LDB2: variants seen among roughly 807,000 people sequenced by gnomAD.
The protein encoded by LDB2 is LIM domain-binding protein 2.
LDB2 carries 12 observed loss-of-function variants against 44.3 expected under a neutral mutation model. That is an observed-to-expected ratio of 0.27 (90% CI 0.17 to 0.44). The LOEUF is 0.44. LDB2 is among the 20% of genes least tolerant of loss of function. The pLI is 1.00. For missense variants in LDB2, 344 were observed against 473.5 expected (o/e 0.73, Z 2.54); for synonymous variants, 164 against 174.8 (o/e 0.94, Z 0.49).
At chr4:16,658,070 T>C (rs1176645767) in intron 2 of LDB2, among the ~76,000 whole-genome samples, 2 of 152,192 alleles carry the variant, frequency 1.3e-5, no homozygotes, top group African/African-American at 4.8e-5. Context: ...AACTTGATGA[T>C]GTTGTAAGCA....
chr4:16,602,175 T>C (rs1252125388), intron 2 of LDB2, among the ~76,000 whole-genome samples: 1 of 152,190 alleles, frequency 6.6e-6, no homozygotes, highest in Non-Finnish European at 1.5e-5. Flanking sequence ...ACAGGCCAGA[T>C]ATTGTTCTAG....
At chr4:16,614,580 C>CAAAAAAAAAAAAAAAAAA (rs1164613202) in intron 2 of LDB2, among the ~76,000 whole-genome samples, 10 of 53,658 alleles carry the variant, frequency 1.9e-4, no homozygotes, top group African/African-American at 2.6e-4. Flanking sequence ...CAAGAAAAAA[C>CAAAAAAAAAAAAAAAAAA]AAAAAAAAAA....
At chr4:16,790,693 G>A (rs1775524916) in intron 1 of LDB2, among the ~76,000 whole-genome samples, 1 of 152,208 alleles carries the variant, frequency 6.6e-6, no homozygotes, top group Non-Finnish European at 1.5e-5. Context: ...TAACCGGGAT[G>A]AAAGTGTCAG....
At chr4:16,799,681 G>A (rs1347683477) in intron 1 of LDB2, among the ~76,000 whole-genome samples, 3 of 152,176 alleles carry the variant, frequency 2.0e-5, no homozygotes, top group African/African-American at 7.2e-5. Flanking sequence ...GGGTTCCTGA[G>A]TCTTCTCGAA....
intron 1 of LDB2, among the ~76,000 whole-genome samples, chr4:16,767,456 C>T (rs1212881447): frequency 2.0e-5 from 3 of 152,188 alleles, no homozygotes; most frequent in African/African-American, 7.2e-5. Context: ...AATGCCCGAA[C>T]TCATGTGTAG....
At chr4:16,647,371 A>C (rs999498735) in intron 2 of LDB2, among the ~76,000 whole-genome samples, 1 of 152,218 alleles carries the variant, frequency 6.6e-6, no homozygotes, top group Non-Finnish European at 1.5e-5. Context: ...TGTACAGCTC[A>C]ATGAATATAG....
chr4:16,734,911 G>A (rs1309978677), intron 2 of LDB2, among the ~76,000 whole-genome samples: 4 of 151,884 alleles, frequency 2.6e-5, no homozygotes, highest in African/African-American at 9.7e-5. Flanking sequence ...GTTTCACTAT[G>A]TTGGCCAGGC....
At chr4:16,598,139 G>A (rs896342643) in intron 2 of LDB2, among the ~76,000 whole-genome samples, 16 of 152,170 alleles carry the variant, frequency 1.1e-4, no homozygotes, top group African/African-American at 1.9e-4. Context: ...CCTTGTGTAC[G>A]TAGTCCCCTC....
At chr4:16,742,952 A>G (rs1394267518) in intron 2 of LDB2, among the ~76,000 whole-genome samples, 1 of 151,924 alleles carries the variant, frequency 6.6e-6, no homozygotes, top group Non-Finnish European at 1.5e-5. Context: ...GCAGGAAATG[A>G]CTTCTGTTTT....
intron 2 of LDB2, among the ~76,000 whole-genome samples, chr4:16,749,581 TAAAA>T (rs1277925447): frequency 6.5e-5 from 8 of 123,706 alleles, no homozygotes; most frequent in South Asian, 2.7e-4. Context: ...AATAAAAAAA[TAAAA>T]AAAAATATAT....
intron 1 of LDB2, among the ~76,000 whole-genome samples, chr4:16,768,014 G>A (rs1769742937): frequency 6.6e-6 from 1 of 152,002 alleles, no homozygotes; most frequent in Admixed American, 6.6e-5. Flanking sequence ...CCGGTGCCAG[G>A]GCTGCCCCTC....
intron 2 of LDB2, among the ~76,000 whole-genome samples, chr4:16,612,071 C>T (rs1560629206): frequency 6.6e-6 from 1 of 152,126 alleles, no homozygotes; most frequent in Non-Finnish European, 1.5e-5. Context: ...CAGTAAAAAC[C>T]ACACAATTTC....
chr4:16,799,418 C>T (rs158278), intron 1 of LDB2, among the ~76,000 whole-genome samples: 116,719 of 152,096 alleles, frequency 0.77, 47,309 homozygotes, highest in South Asian at 0.92. Flanking sequence ...GGATATAAGC[C>T]CCATGCCCAG....
chr4:16,667,415 T>C (rs557469625), intron 2 of LDB2, among the ~76,000 whole-genome samples: 33 of 152,238 alleles, frequency 2.2e-4, no homozygotes, highest in Non-Finnish European at 1.5e-5. Context: ...TCATTTTCAT[T>C]TTAGGGCTGA....
At chr4:16,722,459 C>G (rs1462685021) in intron 2 of LDB2, among the ~76,000 whole-genome samples, 1 of 152,038 alleles carries the variant, frequency 6.6e-6, no homozygotes, top group Non-Finnish European at 1.5e-5. Flanking sequence ...TTCTGTGATT[C>G]TACAATATAG....
intron 2 of LDB2, among the ~76,000 whole-genome samples, chr4:16,712,551 C>CA (rs200978778): frequency 0.024 from 3,638 of 150,124 alleles, 155 homozygotes; most frequent in African/African-American, 0.084. Flanking sequence ...GACTCTGTCT[C>CA]AAAAAAAACA....
At chr4:16,756,787 G>A (rs1766753581) in intron 2 of LDB2, among the ~76,000 whole-genome samples, 2 of 151,906 alleles carry the variant, frequency 1.3e-5, no homozygotes, top group African/African-American at 2.4e-5. Flanking sequence ...ATAAGCAGAC[G>A]CCTATTACAG....
intron 1 of LDB2, among the ~76,000 whole-genome samples, chr4:16,809,741 C>CAAAAA (rs5856387): frequency 6.9e-6 from 1 of 145,364 alleles, no homozygotes; most frequent in African/African-American, 2.5e-5. Flanking sequence ...AACAAACAAA[C>CAAAAA]AAAAAAAAAA....
chr4:16,550,670 G>T (rs1577606695), intron 5 of LDB2, among the ~76,000 whole-genome samples: 2 of 152,200 alleles, frequency 1.3e-5, no homozygotes, highest in Non-Finnish European at 2.9e-5. Flanking sequence ...TGTGCTTTTG[G>T]TGGGAGTGCA....
Sources: gnomAD v4.1 joint callset for allele counts (sites outside exome capture counted in the v4.1 genomes callset) on GRCh38, gnomAD v4.1.1 for gene constraint, MANE v1.5 for transcripts, NCBI Gene and HGNC (gene_info 2026-07-23, HGNC 2026-07-21) for gene names.